The following ARHGAP24 variants were observed in gnomAD, a reference collection of about 807,000 sequenced individuals.
ARHGAP24 encodes the protein Rho GTPase activating protein 24.
A neutral mutation model predicts 76.4 loss-of-function variants in ARHGAP24; 50 were observed. The ratio of observed to expected loss-of-function variants is 0.65; its 90% CI spans 0.52 to 0.83. The LOEUF (loss-of-function observed/expected upper bound fraction) is 0.83, where lower values mean the gene tolerates loss of function less well. Among genes scored for constraint, ARHGAP24 ranks in the 40% least tolerant of loss-of-function variants. The probability of loss-of-function intolerance (pLI) is 0.00; values close to 1 mark genes in which losing one functional copy is unlikely to be tolerated. For missense variants in ARHGAP24, 930 were observed against 914.2 expected (o/e 1.02, Z -0.22); for synonymous variants, 345 against 323.3 (o/e 1.07, Z -0.72).
At chr4:85,989,254 T>C (rs2148866364) in intron 8 of ARHGAP24, among the ~76,000 whole-genome samples, 1 of 151,792 alleles carries the variant, frequency 6.6e-6, no homozygotes, top group African/African-American at 2.4e-5. Context: ...TAAGGGACTA[T>C]TATGAACAAC....
chr4:85,610,613 A>G (rs1720351057), intron 2 of ARHGAP24, among the ~76,000 whole-genome samples: 1 of 152,162 alleles, frequency 6.6e-6, no homozygotes, highest in African/African-American at 2.4e-5. Context: ...AAATTATCTC[A>G]AGGTGGTTTC....
In ARHGAP24 at chr4:86,000,515, G is replaced by C. The variant is rs200818558; in HGVS notation, c.2040G>C (p.Met680Ile). ...GAAACTTGACTTTGGAAACAGAAAT[G>C]ATGAGCCTCCATGATGAACTGGATC... ...EQRNLTLETE[M>I]MSLHDELDQE... The change falls in exon 10 of 10, where the codon ATG (methionine) becomes ATC (isoleucine). Residue 680 changes from methionine (M) to isoleucine (I), a missense_variant. Met to Ile is a conservative substitution (Grantham distance 10, BLOSUM62 1). Coordinates refer to ENST00000395184, the MANE Select transcript of ARHGAP24 (RefSeq NM_001025616.3). 116 of 1,559,082 alleles carry C rather than the reference G, an allele frequency of 7.4e-5. No homozygotes were observed. The highest frequency in any genetic ancestry group is 9.3e-5 in the Non-Finnish European group (107 of 1,153,876).
chr4:85,856,651 A>ATT (rs1731591516), intron 3 of ARHGAP24, among the ~76,000 whole-genome samples: 1 of 151,940 alleles, frequency 6.6e-6, no homozygotes, highest in South Asian at 2.1e-4. Context: ...TTGTATTTTT[A>ATT]GTAGAGATAG....
chr4:85,701,173 A>G (rs1021607950), intron 2 of ARHGAP24, among the ~76,000 whole-genome samples: 7 of 152,210 alleles, frequency 4.6e-5, no homozygotes, highest in African/African-American at 1.7e-4. Flanking sequence ...TCCATCAGCT[A>G]CTTATATTTC....
At chr4:85,690,487 A>G (rs1178725395) in intron 2 of ARHGAP24, among the ~76,000 whole-genome samples, 1 of 152,152 alleles carries the variant, frequency 6.6e-6, no homozygotes, top group African/African-American at 2.4e-5. Context: ...ATTCAATTTC[A>G]GAACTTGATA....
intron 1 of ARHGAP24, among the ~76,000 whole-genome samples, chr4:85,480,498 G>A (rs1036551327): frequency 6.6e-6 from 1 of 152,134 alleles, no homozygotes; most frequent in African/African-American, 2.4e-5. Flanking sequence ...ACCCACAAGT[G>A]TACTAAGCTA....
At chr4:85,653,468 T>G (rs1174732645) in intron 2 of ARHGAP24, among the ~76,000 whole-genome samples, 1 of 134,538 alleles carries the variant, frequency 7.4e-6, no homozygotes, top group African/African-American at 2.8e-5. Context: ...TTAATGTAAA[T>G]TATTTAATTA....
intron 2 of ARHGAP24, among the ~76,000 whole-genome samples, chr4:85,673,166 C>T (rs1722866353): frequency 6.6e-6 from 1 of 152,074 alleles, no homozygotes; most frequent in South Asian, 2.1e-4. Context: ...ACCCTGTTGC[C>T]CTTCCTTTTG....
intron 2 of ARHGAP24, among the ~76,000 whole-genome samples, chr4:85,684,591 G>A (rs1030002284): frequency 9.2e-5 from 14 of 152,050 alleles, no homozygotes; most frequent in African/African-American, 2.2e-4. Context: ...CGTCCAAGCC[G>A]ATATAATTTC....
At chr4:85,763,496 A>T (rs1726815794) in intron 3 of ARHGAP24, among the ~76,000 whole-genome samples, 1 of 152,182 alleles carries the variant, frequency 6.6e-6, no homozygotes. Context: ...GATAGGGTAG[A>T]TGAGGACGAG....
intron 2 of ARHGAP24, among the ~76,000 whole-genome samples, chr4:85,595,418 A>G (rs1385689819): frequency 1.3e-5 from 2 of 152,140 alleles, no homozygotes; most frequent in African/African-American, 2.4e-5. Flanking sequence ...GCATGAGGCA[A>G]AGTGGCAAAC....
intron 3 of ARHGAP24, among the ~76,000 whole-genome samples, chr4:85,867,008 C>T (rs1247945073): frequency 1.3e-5 from 2 of 152,072 alleles, no homozygotes; most frequent in Non-Finnish European, 2.9e-5. Context: ...ATATACACAG[C>T]ATATGAGTGG....
At chr4:85,742,768 C>A (rs1030527234) in intron 3 of ARHGAP24, among the ~76,000 whole-genome samples, 6 of 152,172 alleles carry the variant, frequency 3.9e-5, no homozygotes, top group Admixed American at 3.9e-4. Context: ...TTTAAAATAT[C>A]ACTAGCTAGC....
chr4:85,557,462 G>A (rs889802643), intron 1 of ARHGAP24, among the ~76,000 whole-genome samples: 2 of 152,226 alleles, frequency 1.3e-5, no homozygotes, highest in African/African-American at 4.8e-5. Flanking sequence ...TTCCTGAGCA[G>A]AAGTGGTAGA....
chr4:85,598,013 A>G (rs1323354998), intron 2 of ARHGAP24, among the ~76,000 whole-genome samples: 1 of 152,048 alleles, frequency 6.6e-6, no homozygotes, highest in East Asian at 1.9e-4. Context: ...TTCATCCTTC[A>G]CTTTAACTTG....
At chr4:85,699,715 T>A (rs7655100) in intron 2 of ARHGAP24, among the ~76,000 whole-genome samples, 68,174 of 151,786 alleles carry the variant, frequency 0.45, 18,305 homozygotes, top group Non-Finnish European at 0.62. Context: ...TTCTCTACTG[T>A]TTTTTCTTTT....
intron 2 of ARHGAP24, among the ~76,000 whole-genome samples, chr4:85,678,685 G>C (rs1392440010): frequency 6.6e-6 from 1 of 152,112 alleles, no homozygotes; most frequent in African/African-American, 2.4e-5. Context: ...GCAAAATAAA[G>C]TGTAACTACA....
rs1740548707 is a variant in ARHGAP24 at position 85,994,812 on chromosome 4, C to T, written c.1158C>T (p.Ser386=). ...AGTCTGAGTCACCCCAGAGAAGCAG[C>T]ATGAACAATGGATCCCCCACAGCTC... ...WDKSESPQRS[S]MNNGSPTALS... is the part of the protein sequence containing the mutation. The change falls in exon 9 of 10, where the codon AGC becomes AGT. Residue 386 remains serine, a synonymous_variant. Coordinates refer to ENST00000395184, the MANE Select transcript of ARHGAP24 (RefSeq NM_001025616.3). 6.2e-7 allele frequency: 1 copy of T among 1,614,052 alleles called. No individual in the cohort carries two copies. The highest frequency in any genetic ancestry group is 1.7e-5 in the Admixed American group (1 of 60,002).
chr4:85,539,557 T>C (rs1286007442), intron 1 of ARHGAP24, among the ~76,000 whole-genome samples: 1 of 152,194 alleles, frequency 6.6e-6, no homozygotes, highest in African/African-American at 2.4e-5. Flanking sequence ...TCTGTTATTA[T>C]AGAAAATAAA....
Sources: gnomAD v4.1 joint callset for allele counts (sites outside exome capture counted in the v4.1 genomes callset) on GRCh38, gnomAD v4.1.1 for gene constraint, MANE v1.5 for transcripts, NCBI Gene and HGNC (gene_info 2026-07-23, HGNC 2026-07-21) for gene names.